The following CACNA1E variants were observed in gnomAD, a reference collection of about 807,000 sequenced individuals.
The protein encoded by CACNA1E is calcium voltage-gated channel subunit alpha1 E, also known as voltage-dependent R-type calcium channel subunit alpha-1E.
CACNA1E carries 40 observed loss-of-function variants against 259.2 expected under a neutral mutation model. The ratio of observed to expected loss-of-function variants is 0.15; its 90% confidence interval spans 0.12 to 0.20. The LOEUF is 0.20. Among genes scored for constraint, CACNA1E ranks in the 10% least tolerant of loss-of-function variants. The probability of loss-of-function intolerance (pLI) is 1.00; values close to 1 mark genes in which losing one functional copy is unlikely to be tolerated. For synonymous variants in CACNA1E, 1,104 were observed against 1,138.5 expected, an observed-to-expected ratio of 0.97 and a Z score of 0.61; for missense variants, 1,874 against 3,040.1, an observed-to-expected ratio of 0.62 and a Z score of 9.02.
At chr1:181,605,125 A>G (rs1242760433) in intron 6 of CACNA1E, among the ~76,000 whole-genome samples, 2 of 152,212 alleles carry the variant, frequency 1.3e-5, no homozygotes, top group African/African-American at 4.8e-5. Context: ...GAGTGTGTGC[A>G]TGCATGCTCA....
chr1:181,380,912 C>T (rs900100952), intron 1 of CACNA1E, among the ~76,000 whole-genome samples: 2 of 152,178 alleles, frequency 1.3e-5, no homozygotes, highest in Non-Finnish European at 2.9e-5. Context: ...CCATGCCTGT[C>T]CCAGCAGCAC....
At chr1:181,796,082 G>A (rs1661782424) in intron 46 of CACNA1E, among the ~76,000 whole-genome samples, 2 of 152,094 alleles carry the variant, frequency 1.3e-5, no homozygotes, top group Admixed American at 1.3e-4. Context: ...ATTGTGTGTA[G>A]CATAAATAGA....
At chr1:181,612,167 G>A (rs1476600296) in intron 6 of CACNA1E, among the ~76,000 whole-genome samples, 1 of 152,138 alleles carries the variant, frequency 6.6e-6, no homozygotes, top group South Asian at 2.1e-4. Context: ...GAAAGAATAG[G>A]TAGGACCCAT....
At chr1:181,754,849 GC>G (rs1297433101) in intron 27 of CACNA1E, among the ~76,000 whole-genome samples, 1 of 152,210 alleles carries the variant, frequency 6.6e-6, no homozygotes, top group Non-Finnish European at 1.5e-5. Context: ...TAAAGCACAA[GC>G]TATTTAAAGA....
chr1:181,748,998 T>G (rs1208373572), intron 25 of CACNA1E, among the ~76,000 whole-genome samples: 1 of 152,196 alleles, frequency 6.6e-6, no homozygotes, highest in Non-Finnish European at 1.5e-5. Flanking sequence ...CTCTGAACAT[T>G]TAGAGGTTAT....
rs903963179 is a variant in CACNA1E at position 181,451,244 on chromosome 1, G to A, written c.435-32500G>A. On this transcript the variant is annotated intron_variant, in intron 2 of 11. Coordinates refer to the CACNA1E transcript ENST00000524607. ...AAGATCTAGAAATGGAACAGTTACT[G>A]TGTGACATAGCAGGAGGTCTCCTGT... 3.9e-5 allele frequency among the ~76,000 whole-genome samples: 6 copies of A among 152,328 alleles called. No individual in the cohort carries two copies. In the East Asian group the frequency reaches 9.6e-4, roughly 24 times the overall value.
intron 1 of CACNA1E, among the ~76,000 whole-genome samples, chr1:181,349,094 AC>A (rs1652835674): frequency 7.0e-6 from 1 of 143,632 alleles, no homozygotes; most frequent in Non-Finnish European, 1.5e-5. Context: ...TTGGGGACCC[AC>A]GGGAAGAGCA....
chr1:181,327,714 C>T (rs1038171209), intron 1 of CACNA1E, among the ~76,000 whole-genome samples: 6 of 152,246 alleles, frequency 3.9e-5, no homozygotes, highest in Non-Finnish European at 1.5e-5. Flanking sequence ...GCAGGACCTA[C>T]AAATCCATGA....
intron 2 of CACNA1E, among the ~76,000 whole-genome samples, chr1:181,431,386 TG>T (rs1173787614): frequency 6.6e-6 from 1 of 152,146 alleles, no homozygotes; most frequent in African/African-American, 2.4e-5. Flanking sequence ...TTTCAAAGGG[TG>T]GTTCCCAAAA....
chr1:181,753,484 T>G (rs146906596), intron 27 of CACNA1E, among the ~76,000 whole-genome samples: 3 of 152,212 alleles, frequency 2.0e-5, no homozygotes. Context: ...TACTTATTCT[T>G]TGACTTTCTT....
chr1:181,685,739 A>C (rs984168640), intron 7 of CACNA1E, among the ~76,000 whole-genome samples: 1 of 152,158 alleles, frequency 6.6e-6, no homozygotes, highest in African/African-American at 2.4e-5. Context: ...CACACTCTCA[A>C]ACTTTGTCTG....
chr1:181,502,772 C>T (rs1665367747), intron 1 of CACNA1E, among the ~76,000 whole-genome samples: 1 of 152,164 alleles, frequency 6.6e-6, no homozygotes, highest in Non-Finnish European at 1.5e-5. Context: ...GATCTCGGCT[C>T]ACCACAACCT....
intron 7 of CACNA1E, among the ~76,000 whole-genome samples, chr1:181,675,854 A>G: frequency 6.6e-6 from 1 of 152,090 alleles, no homozygotes; most frequent in East Asian, 1.9e-4. Flanking sequence ...CAGCTAAGGG[A>G]TTTTGACAAA....
chr1:181,321,465 A>G (rs572621673), intron 1 of CACNA1E, among the ~76,000 whole-genome samples: 1 of 152,288 alleles, frequency 6.6e-6, no homozygotes, highest in African/African-American at 2.4e-5. Flanking sequence ...TTCTCTCAGG[A>G]TCATAGTCAG....
In CACNA1E at chr1:181,720,308, T is replaced by C; in HGVS notation, c.1854T>C (p.Ala618=). The C allele has an allele frequency of 6.2e-7, 1 of 1,613,648 alleles. No individual in the cohort carries two copies. The highest frequency in any genetic ancestry group is 8.5e-7 in the Non-Finnish European group (1 of 1,179,782). Residue 618 remains alanine, a synonymous_variant, in exon 14 of 48, where the codon GCT becomes GCC. Transcript: ENST00000367573. ...FLLFLFIVVF[A]LLGMQLFGGR... ...TCTTCCTCTTCATCGTTGTCTTTGC[T>C]CTCCTAGGAATGCAGTTATTTGGAG...
intron 1 of CACNA1E, among the ~76,000 whole-genome samples, chr1:181,484,456 G>A (rs1663602665): frequency 6.6e-6 from 1 of 152,214 alleles, no homozygotes; most frequent in African/African-American, 2.4e-5. Flanking sequence ...TTCCTGTAGG[G>A]AAGTCAAGGC....
At chr1:181,551,996 A>G (rs1648220004) in intron 3 of CACNA1E, among the ~76,000 whole-genome samples, 1 of 152,098 alleles carries the variant, frequency 6.6e-6, no homozygotes, top group South Asian at 2.1e-4. Context: ...GTAAGCTTTC[A>G]TCAAAGTGAC....
intron 3 of CACNA1E, among the ~76,000 whole-genome samples, chr1:181,540,397 T>C (rs1239406437): frequency 6.6e-6 from 1 of 152,196 alleles, no homozygotes; most frequent in East Asian, 1.9e-4. Flanking sequence ...CACTTAGTAG[T>C]TATTCAGCAA....
chr1:181,497,182 G>A (rs910080192), intron 1 of CACNA1E, among the ~76,000 whole-genome samples: 1 of 152,114 alleles, frequency 6.6e-6, no homozygotes, highest in Non-Finnish European at 1.5e-5. Flanking sequence ...TTTCCCTGGC[G>A]ATGATTAAAG....
Sources: allele counts gnomAD v4.1 joint callset (sites outside exome capture counted in the v4.1 genomes callset), GRCh38; gene constraint gnomAD v4.1.1; transcripts MANE v1.5; gene names NCBI Gene and HGNC (gene_info 2026-07-23, HGNC 2026-07-21).